Variants in LYZL2 observed in about 807,000 individuals in gnomAD.
LYZL2 encodes lysozyme like 2.
A neutral mutation model predicts 17.1 loss-of-function variants in LYZL2; 13 were observed. The observed-to-expected ratio is 0.76, with a 90% CI of 0.49 to 1.21. The LOEUF is 1.21. Among genes scored for constraint, LYZL2 ranks in the 50% most tolerant of loss-of-function variants. The pLI is 0.00. For missense variants in LYZL2, 166 were observed against 189.2 expected (o/e 0.88, Z 0.72); for synonymous variants, 63 against 74.4 (o/e 0.85, Z 0.79).
intron 1 of LYZL2, among the ~76,000 whole-genome samples, chr10:30,629,340 G>C (rs1303352499): frequency 6.6e-6 from 1 of 151,288 alleles, no homozygotes; most frequent in African/African-American, 2.4e-5. Context: ...GCTGTTGTGA[G>C]TTGTGATTGT....
At position 30,626,115 on chromosome 10, in the gene LYZL2, G is replaced by A. The variant is rs1172662432; in HGVS notation, c.288C>T (p.Val96=). The change falls in exon 3 of 5, where the codon GTC becomes GTT. Residue 96 remains valine (V), a synonymous_variant. Transcript: ENST00000647634. ...AAGTCAGAGCCTCACCTGAGCAGGC[G>A]ACGTGGCAGTGGTTGTTCTCCTTCA... ...GKLKENNHCH[V]ACSALVTDDL... is the part of the protein sequence containing the mutation. 6 of 1,614,004 alleles carry A rather than the reference G, an allele frequency of 3.7e-6. No homozygotes were observed. Among genetic ancestry groups the A allele is most frequent in the South Asian group, 1.1e-5 (1 of 91,068 alleles).
chr10:30,619,839 TA>T (rs955725421), intron 3 of LYZL2, among the ~76,000 whole-genome samples: 7 of 151,148 alleles, frequency 4.6e-5, no homozygotes, highest in East Asian at 3.9e-4. Flanking sequence ...ATAAAAAAAT[TA>T]AAAAAAAGAA....
intron 3 of LYZL2, among the ~76,000 whole-genome samples, 153 bp from the exon 4 acceptor site, chr10:30,613,053 A>G (rs1482588133): frequency 6.6e-6 from 1 of 152,170 alleles, no homozygotes; most frequent in African/African-American, 2.4e-5. Flanking sequence ...ATTTCTGTTG[A>G]GCTTCTTCAT....
At chr10:30,609,715 T>C (rs771535305), downstream of LYZL2, among the ~76,000 whole-genome samples, 5 of 152,168 alleles carry the variant, frequency 3.3e-5, no homozygotes, top group African/African-American at 4.8e-5. Context: ...CTTCCAAATA[T>C]CTATAAAGGG....
intron 3 of LYZL2, among the ~76,000 whole-genome samples, chr10:30,615,854 T>C (rs1408906924): frequency 1.3e-5 from 2 of 151,206 alleles, no homozygotes; most frequent in Non-Finnish European, 2.9e-5. Flanking sequence ...ATTTTTGTCA[T>C]CATGGAAAGT....
downstream of LYZL2, among the ~76,000 whole-genome samples, chr10:30,609,219 A>T (rs60463716): frequency 2.0e-5 from 3 of 152,174 alleles, no homozygotes; most frequent in Admixed American, 2.0e-4. Context: ...AGTGAAAGAC[A>T]TGGTCTAGGC....
intron 3 of LYZL2, among the ~76,000 whole-genome samples, chr10:30,622,868 G>T (rs371612966): frequency 1.3e-5 from 2 of 152,164 alleles, no homozygotes; most frequent in African/African-American, 2.4e-5. Context: ...TACCAGAATG[G>T]ATATAAAAGC....
chr10:30,618,614 G>A (rs1838571776), intron 3 of LYZL2, among the ~76,000 whole-genome samples: 1 of 152,178 alleles, frequency 6.6e-6, no homozygotes, highest in South Asian at 2.1e-4. Flanking sequence ...GGGAAAATTG[G>A]CAGGCCATAT....
intron 3 of LYZL2, among the ~76,000 whole-genome samples, chr10:30,621,358 T>C (rs971744250): frequency 2.0e-5 from 3 of 152,084 alleles, no homozygotes; most frequent in Non-Finnish European, 2.9e-5. Context: ...GGTGAGAGGA[T>C]TGCCTGAGCC....
At chr10:30,610,722 T>C (rs937366586), downstream of LYZL2, among the ~76,000 whole-genome samples, 1 of 152,154 alleles carries the variant, frequency 6.6e-6, no homozygotes, top group African/African-American at 2.4e-5. Flanking sequence ...CATGAGCCAC[T>C]GTGCCTCACT....
intron 3 of LYZL2, among the ~76,000 whole-genome samples, chr10:30,617,766 A>T (rs192977293): frequency 1.3e-5 from 2 of 152,120 alleles, no homozygotes; most frequent in East Asian, 3.9e-4. Flanking sequence ...AACTAGCACA[A>T]GACAGGGATG....
chr10:30,609,974 T>C (rs1399315026), downstream of LYZL2, among the ~76,000 whole-genome samples: 7 of 152,210 alleles, frequency 4.6e-5, no homozygotes, highest in Non-Finnish European at 2.9e-5. Flanking sequence ...CAGTGCCCTT[T>C]CACCTTGAAT....
intron 4 of LYZL2, among the ~76,000 whole-genome samples, chr10:30,612,464 T>C (rs572359362): frequency 6.6e-6 from 1 of 152,342 alleles, no homozygotes; most frequent in African/African-American, 2.4e-5. Context: ...TGCCGTAACC[T>C]TCAAAATCTT....
At chr10:30,628,053 G>C (rs548209254) in intron 1 of LYZL2, among the ~76,000 whole-genome samples, 1 of 152,180 alleles carries the variant, frequency 6.6e-6, no homozygotes, top group South Asian at 2.1e-4. Flanking sequence ...CCAGCTGCTC[G>C]GGAGGCTGAG....
At chr10:30,611,566 GGAAGGAAA>G (rs1449432784), downstream of LYZL2, among the ~76,000 whole-genome samples, 1,392 of 62,854 alleles carry the variant, frequency 0.022, 10 homozygotes, top group East Asian at 0.046. Flanking sequence ...AAGGAAGGAA[GGAAGGAAA>G]GAAAGAAAGA....
At position 30,626,122 on chromosome 10, in the gene LYZL2, C is replaced by T. The variant is rs781070117; in HGVS notation, c.281G>A (p.Cys94Tyr). ...RRGKLKENNH[C>Y]HVACSALVTD... is the part of the protein sequence containing the mutation. ...AGCCTCACCTGAGCAGGCGACGTGGCAGTGGTTGTTCTCCTTCAGCTTTCC... is the reference window on the plus strand; with the variant it reads ...AGCCTCACCTGAGCAGGCGACGTGGTAGTGGTTGTTCTCCTTCAGCTTTCC... Residue 94 changes from cysteine (C) to tyrosine (Y), a missense_variant, in exon 3 of 5, where the codon TGC becomes TAC. Physicochemically the swap from Cys to Tyr is radical, Grantham distance 194. Around this residue, in one of 2 missense-constraint regions of LYZL2, gnomAD observed 134 missense variants for 129.4 expected, o/e 1.04. Coordinates refer to ENST00000647634, the MANE Select transcript of LYZL2 (RefSeq NM_183058.3). 1.1e-5 allele frequency: 17 copies of T among 1,614,174 alleles called. No homozygotes were observed. In the South Asian group the frequency reaches 1.6e-4, roughly 16 times the overall value.
intron 3 of LYZL2, among the ~76,000 whole-genome samples, chr10:30,617,501 C>A (rs1428475943): frequency 6.6e-6 from 1 of 151,578 alleles, no homozygotes; most frequent in East Asian, 1.9e-4. Context: ...CATGGCAAAA[C>A]CTGTCTCTAC....
At chr10:30,624,412 G>A (rs753613847) in intron 3 of LYZL2, among the ~76,000 whole-genome samples, 16 of 152,116 alleles carry the variant, frequency 1.1e-4, no homozygotes, top group Non-Finnish European at 2.2e-4. Context: ...GTCCTCTCCC[G>A]GCAGACCTTT....
downstream of LYZL2, among the ~76,000 whole-genome samples, chr10:30,611,414 G>A (rs645478): frequency 0.67 from 99,989 of 148,714 alleles, 34,421 homozygotes; most frequent in African/African-American, 0.74. Context: ...CACAAGAATC[G>A]CTTGAACCCG....
Sources: gnomAD v4.1 joint callset for allele counts (sites outside exome capture counted in the v4.1 genomes callset) on GRCh38, gnomAD v4.1.1 for gene constraint, gnomAD v4.1.1 regional missense constraint, MANE v1.5 for transcripts, NCBI Gene and HGNC (gene_info 2026-07-23, HGNC 2026-07-21) for gene names.